The following GTF3C1 variants were observed in gnomAD, a reference collection of about 807,000 sequenced individuals.
GTF3C1 encodes the protein general transcription factor 3C polypeptide 1.
Under a neutral mutation model 226.7 loss-of-function variants are expected in GTF3C1, and 57 were observed. The ratio of observed to expected loss-of-function variants is 0.25; its 90% CI spans 0.20 to 0.31. GTF3C1 has a LOEUF of 0.31. GTF3C1 is among the 10% of genes least tolerant of loss of function. GTF3C1 has a pLI of 1.00. For missense variants in GTF3C1, 2,217 were observed against 2,776.1 expected (o/e 0.80, Z 4.53); for synonymous variants, 1,090 against 1,084.8 (o/e 1.00, Z -0.09).
Position 27,488,578 on chromosome 16 carries a change from G to GC in GTF3C1, c.3486dup (p.Arg1163AlafsTer34). On this transcript the variant is annotated frameshift_variant, in exon 22 of 37. Coordinates refer to ENST00000356183, the MANE Select transcript of GTF3C1 (RefSeq NM_001520.4). LOFTEE classifies it high-confidence loss of function. ...CCTCTGGCACTGAGGGGCATTGGGCGCTTGGACAGAAATGTCTGGAGCCTC... is the reference window on the plus strand; with the variant it reads ...CCTCTGGCACTGAGGGGCATTGGGCGCCTTGGACAGAAATGTCTGGAGCCTC... The GC allele has an allele frequency of 6.2e-7, 1 of 1,613,956 alleles. No individual in the cohort carries two copies. The highest frequency in any genetic ancestry group is 8.5e-7 in the Non-Finnish European group (1 of 1,179,862).
At chr16:27,514,524 A>G (rs1025955366) in intron 6 of GTF3C1, among the ~76,000 whole-genome samples, 1 of 152,032 alleles carries the variant, frequency 6.6e-6, no homozygotes, top group Non-Finnish European at 1.5e-5. Flanking sequence ...AGACCAGACC[A>G]CCATGCCATT....
intron 7 of GTF3C1, among the ~76,000 whole-genome samples, chr16:27,509,478 C>T (rs543973093): frequency 6.9e-4 from 105 of 152,268 alleles, no homozygotes; most frequent in Middle Eastern, 3.4e-3. Context: ...TTCCTCTTGG[C>T]CGGGTGCAGT....
In GTF3C1 at chr16:27,506,036, G is replaced by C. The variant is rs2088479774; in HGVS notation, c.1633C>G (p.Gln545Glu). Residue 545 changes from glutamine to glutamate, a missense_variant, in exon 10 of 37, where the codon CAG becomes GAG. Around this residue, in one of 12 missense-constraint regions of GTF3C1, gnomAD observed 173 missense variants for 207.2 expected, o/e 0.83. Coordinates refer to ENST00000356183, the MANE Select transcript of GTF3C1 (RefSeq NM_001520.4). ...FPGAAEERAC[Q>E]SLASRDSLLD... ...AGGCTGTCCCTGCTGGCAAGGCTCT[G>C]GCAGGCTCTCTCTTCAGCAGCTCCT... 1 of 1,613,178 alleles carries C rather than the reference G, an allele frequency of 6.2e-7. No individual in the cohort carries two copies. Among genetic ancestry groups the C allele is most frequent in the African/African-American group, 1.3e-5 (1 of 75,034 alleles).
intron 27 of GTF3C1, among the ~76,000 whole-genome samples, chr16:27,480,198 T>A (rs1343544124): frequency 2.0e-5 from 2 of 100,730 alleles, no homozygotes; most frequent in Admixed American, 1.2e-4. Flanking sequence ...TGAGACTCCA[T>A]CTCAAAAAAA....
chr16:27,506,029 A>C lies in GTF3C1; in HGVS notation c.1640T>G (p.Leu547Arg), dbSNP rs1173676370. ...GAAEERACQS[L>R]ASRDSLLDTS... is the part of the protein sequence containing the mutation. ...ATCTAAGAGGCTGTCCCTGCTGGCA[A>C]GGCTCTGGCAGGCTCTCTCTTCAGC... Residue 547 changes from leucine (L) to arginine (R), a missense_variant, in exon 10 of 37, where the codon CTT (leucine) becomes CGT (arginine). Physicochemically the swap from Leu to Arg is moderately radical, Grantham distance 102. Transcript: ENST00000356183. The C allele has an allele frequency of 5.6e-6, 9 of 1,613,052 alleles. No individual in the cohort carries two copies. The highest frequency in any genetic ancestry group is 6.8e-6 in the Non-Finnish European group (8 of 1,179,114).
At chr16:27,495,177 C>T (rs371943230) in intron 15 of GTF3C1, 34 bp downstream of exon 15, 21 of 1,541,104 alleles carry the variant, frequency 1.4e-5, no homozygotes, top group African/African-American at 5.4e-5. Flanking sequence ...TGGGCCTGCC[C>T]GCCCCAGGTG....
intron 20 of GTF3C1, 30 bp from the exon 21 acceptor site, chr16:27,489,208 CCCT>C (rs763478750): frequency 6.2e-7 from 1 of 1,611,460 alleles, no homozygotes; most frequent in East Asian, 2.2e-5. Context: ...CAGAAAAGAG[CCCT>C]TCTTGGTCAT....
At chr16:27,534,441 C>CT (rs2088969268) in intron 4 of GTF3C1, among the ~76,000 whole-genome samples, 1 of 152,184 alleles carries the variant, frequency 6.6e-6, no homozygotes, top group Non-Finnish European at 1.5e-5. Context: ...ACTACACCCA[C>CT]TTCCCCATCT....
At position 27,542,417 on chromosome 16, in the gene GTF3C1, C is replaced by T. The variant is rs375897649; in HGVS notation, c.431+2897G>A. On this transcript the variant is annotated intron_variant, in intron 2 of 36. Coordinates refer to ENST00000356183, the MANE Select transcript of GTF3C1 (RefSeq NM_001520.4). ...CTCTACTAAAAATACAAAAATTAGC[C>T]GGGCATGGTAGCAGGTCCCTGTAAA... 1.2e-4 allele frequency among the ~76,000 whole-genome samples: 18 copies of T among 152,086 alleles called. No homozygotes were observed. The East Asian group carries it at 3.3e-3, about 28-fold the overall frequency.
At chr16:27,527,598 T>C (rs1305745284) in intron 6 of GTF3C1, among the ~76,000 whole-genome samples, 4 of 152,246 alleles carry the variant, frequency 2.6e-5, no homozygotes, top group African/African-American at 9.6e-5. Flanking sequence ...ACTCAGCATC[T>C]CTTCACTTTA....
intron 24 of GTF3C1, 23 bp downstream of exon 24, chr16:27,485,974 C>A: frequency 6.4e-7 from 1 of 1,554,430 alleles, no homozygotes; most frequent in Non-Finnish European, 8.8e-7. Context: ...GCAGGCCCAC[C>A]GCTGGGCTGG....
At chr16:27,525,181 G>GAAAAGA (rs1305530002) in intron 6 of GTF3C1, among the ~76,000 whole-genome samples, 4 of 114,536 alleles carry the variant, frequency 3.5e-5, no homozygotes, top group African/African-American at 1.6e-4. Context: ...AGAAAAGAAA[G>GAAAAGA]AAATAAAAGA....
chr16:27,485,915 G>T, intron 24 of GTF3C1, 82 bp downstream of exon 24: 1 of 864,152 alleles, frequency 1.2e-6, no homozygotes, highest in Non-Finnish European at 1.8e-6. Context: ...AGTGGTCTCT[G>T]GCTGGGAGTC....
chr16:27,464,241 AGG>A, intron 34 of GTF3C1, 77 bp downstream of exon 34: 1 of 831,440 alleles, frequency 1.2e-6, no homozygotes, highest in South Asian at 3.5e-5. Context: ...CCTCGGAGGA[AGG>A]TGTGAGGCCC....
intron 2 of GTF3C1, among the ~76,000 whole-genome samples, 154 bp from the exon 3 acceptor site, chr16:27,538,510 G>A (rs1246491505): frequency 1.3e-5 from 2 of 152,252 alleles, no homozygotes; most frequent in Non-Finnish European, 2.9e-5. Context: ...AGTCTTAGAA[G>A]TGTAGTGTGC....
At chr16:27,522,069 G>A (rs1471472530) in intron 6 of GTF3C1, among the ~76,000 whole-genome samples, 1 of 152,080 alleles carries the variant, frequency 6.6e-6, no homozygotes, top group Non-Finnish European at 1.5e-5. Context: ...GCTATACCTT[G>A]CTAGGTTTCT....
intron 32 of GTF3C1, among the ~76,000 whole-genome samples, chr16:27,468,973 A>G (rs1415597619): frequency 6.6e-6 from 1 of 152,174 alleles, no homozygotes; most frequent in Non-Finnish European, 1.5e-5. Context: ...CCGCCCGTGG[A>G]GAGTGGGCGG....
intron 12 of GTF3C1, among the ~76,000 whole-genome samples, chr16:27,500,052 G>A (rs371040970): frequency 3.9e-4 from 60 of 152,238 alleles, no homozygotes; most frequent in African/African-American, 1.3e-3. Flanking sequence ...CCCATCCCTC[G>A]CCCACTCCCT....
At chr16:27,523,397 A>G (rs775214400) in intron 6 of GTF3C1, among the ~76,000 whole-genome samples, 68 of 152,168 alleles carry the variant, frequency 4.5e-4, no homozygotes, top group Admixed American at 9.2e-4. Context: ...CATATACTAG[A>G]TCCAGGTATA....
Sources: gnomAD v4.1 joint callset for allele counts (sites outside exome capture counted in the v4.1 genomes callset) on GRCh38, gnomAD v4.1.1 for gene constraint, gnomAD v4.1.1 regional missense constraint, MANE v1.5 for transcripts, NCBI Gene and HGNC (gene_info 2026-07-23, HGNC 2026-07-21) for gene names.